The following ANO4 variants were observed in gnomAD, a reference collection of about 807,000 sequenced individuals.
ANO4 encodes anoctamin 4.
A neutral mutation model predicts 141.9 loss-of-function variants in ANO4; 69 were observed. That is an observed-to-expected ratio of 0.49 (90% confidence interval 0.40 to 0.59). The LOEUF is 0.59. ANO4 is among the 20% of genes least tolerant of loss of function. ANO4 has a pLI of 0.00. For missense variants in ANO4, 894 were observed against 1,162.2 expected (o/e 0.77, Z 3.36); for synonymous variants, 350 against 394.3 (o/e 0.89, Z 1.33).
intron 7 of ANO4, among the ~76,000 whole-genome samples, chr12:100,983,555 A>G (rs2044577948): frequency 6.6e-6 from 1 of 152,158 alleles, no homozygotes; most frequent in Admixed American, 6.5e-5. Flanking sequence ...TCATGTAATC[A>G]TAGGACTGAG....
intron 9 of ANO4, among the ~76,000 whole-genome samples, chr12:101,023,273 G>A (rs1412622829): frequency 1.3e-5 from 2 of 152,186 alleles, no homozygotes; most frequent in Non-Finnish European, 2.9e-5. Flanking sequence ...TTCTGAAGAA[G>A]CACAGGAAGT....
intron 5 of ANO4, among the ~76,000 whole-genome samples, chr12:100,945,459 C>A (rs1294385890): frequency 1.3e-5 from 2 of 152,194 alleles, no homozygotes; most frequent in African/African-American, 2.4e-5. Context: ...AACAAAATAT[C>A]ATTGAAGTCC....
At chr12:100,874,656 A>G (rs1433344832) in intron 1 of ANO4, among the ~76,000 whole-genome samples, 1 of 152,124 alleles carries the variant, frequency 6.6e-6, no homozygotes, top group African/African-American at 2.4e-5. Flanking sequence ...AGTAGATGGA[A>G]TTACAGGTAT....
At chr12:100,918,545 G>T (rs1311786149) in intron 2 of ANO4, among the ~76,000 whole-genome samples, 1 of 152,114 alleles carries the variant, frequency 6.6e-6, no homozygotes, top group Non-Finnish European at 1.5e-5. Flanking sequence ...ATAAACCATG[G>T]TGGTCCCATT....
intron 1 of ANO4, among the ~76,000 whole-genome samples, chr12:100,805,496 T>A (rs140093846): frequency 0.012 from 1,854 of 152,354 alleles, 39 homozygotes; most frequent in African/African-American, 0.042. Flanking sequence ...AGAATGTCAA[T>A]GGTAGTTTAA....
intron 19 of ANO4, 120 bp downstream of exon 19, chr12:101,096,767 G>A (rs1055732625): frequency 6.8e-6 from 5 of 730,766 alleles, no homozygotes; most frequent in African/African-American, 3.5e-5. Context: ...AAAAAGGGAA[G>A]AGCATCCTCC....
chr12:100,738,160 G>C (rs1219046096), intron 2 of ANO4, among the ~76,000 whole-genome samples: 1 of 152,054 alleles, frequency 6.6e-6, no homozygotes, highest in African/African-American at 2.4e-5. Context: ...TCACAATTTT[G>C]GGTTCAGTGG....
At chr12:101,025,260 A>G (rs1462821341) in intron 9 of ANO4, among the ~76,000 whole-genome samples, 5 of 152,256 alleles carry the variant, frequency 3.3e-5, no homozygotes, top group African/African-American at 1.2e-4. Flanking sequence ...TGAGAGACAG[A>G]AAACAAATGA....
At chr12:100,918,780 G>GT (rs2041469282) in intron 2 of ANO4, among the ~76,000 whole-genome samples, 1 of 151,728 alleles carries the variant, frequency 6.6e-6, no homozygotes, top group South Asian at 2.1e-4. Flanking sequence ...TTTTATTGTT[G>GT]TTTTAAAGTT....
chr12:101,126,658 T>A (rs1456029722), intron 26 of ANO4, among the ~76,000 whole-genome samples: 1 of 152,184 alleles, frequency 6.6e-6, no homozygotes, highest in Non-Finnish European at 1.5e-5. Context: ...TGACCATTCT[T>A]TTCCCACCTT....
At chr12:100,800,479 T>C (rs1194571063) in intron 1 of ANO4, among the ~76,000 whole-genome samples, 2 of 152,244 alleles carry the variant, frequency 1.3e-5, no homozygotes, top group South Asian at 4.1e-4. Flanking sequence ...CAGATTTTTT[T>C]CCCTGTGGTT....
chr12:100,751,879 G>A (rs2032399154), intron 3 of ANO4, among the ~76,000 whole-genome samples: 1 of 152,192 alleles, frequency 6.6e-6, no homozygotes, highest in African/African-American at 2.4e-5. Flanking sequence ...GACTGAGGAT[G>A]TGGTAGTAAT....
chr12:100,740,018 C>G, exon 3 of ANO4: 2 of 702,592 alleles, frequency 2.8e-6, no homozygotes, highest in South Asian at 1.5e-5. Flanking sequence ...CCAGGCCACA[C>G]CTTTGTCCTG....
At position 101,054,366 on chromosome 12, in the gene ANO4, G is replaced by T. The variant is rs554019171; in HGVS notation, c.1312+5965G>T. Among the ~76,000 whole-genome samples the T allele has an allele frequency of 3.3e-5, 5 of 152,280 alleles. No individual in the cohort carries two copies. The East Asian group carries it at 9.6e-4, about 29-fold the overall frequency. ...GTGGTTTGCTTTATGTGGTGGGATT[G>T]TGGGAAGATTTTTTTCAACTTTAAG... On this transcript the variant is annotated intron_variant, in intron 14 of 27. Coordinates refer to ENST00000392977, the MANE Select transcript of ANO4 (RefSeq NM_001286615.2).
rs1327891952 is a variant in ANO4, at chr12:101,032,892, T to C, written c.842-4203T>C. On this transcript the variant is annotated intron_variant, in intron 9 of 27. Transcript: ENST00000392977. ...GTGGGACTGTAAACTAGTTCAACCC[T>C]TGTGGAAGTCAGTGTGGCGATTCCT... Among the ~76,000 whole-genome samples the C allele has an allele frequency of 8.6e-5, 13 of 151,708 alleles. No homozygotes were observed. In the East Asian group the frequency reaches 1.7e-3, roughly 20 times the overall value.
chr12:101,114,010 T>C (rs2050759304), intron 24 of ANO4, among the ~76,000 whole-genome samples: 1 of 152,212 alleles, frequency 6.6e-6, no homozygotes, highest in Admixed American at 6.5e-5. Flanking sequence ...TGTTACTTTT[T>C]TCTTGGTACT....
intron 17 of ANO4, among the ~76,000 whole-genome samples, chr12:101,089,089 G>C (rs140447665): frequency 1.3e-3 from 191 of 152,090 alleles, no homozygotes; most frequent in Middle Eastern, 3.4e-3. Flanking sequence ...ATTTTCCAAA[G>C]GCCAACTAAT....
At chr12:101,090,449 G>A (rs2049717826) in intron 17 of ANO4, among the ~76,000 whole-genome samples, 1 of 152,088 alleles carries the variant, frequency 6.6e-6, no homozygotes, top group African/African-American at 2.4e-5. Context: ...TCCTTTATAG[G>A]GACATGGATG....
At chr12:100,768,327 G>C (rs913394124) in intron 3 of ANO4, among the ~76,000 whole-genome samples, 1 of 152,194 alleles carries the variant, frequency 6.6e-6, no homozygotes, top group Admixed American at 6.5e-5. Flanking sequence ...ATGTGAAACT[G>C]TCCTTCTTAC....
Sources: gnomAD v4.1 joint callset for allele counts (sites outside exome capture counted in the v4.1 genomes callset) on GRCh38, gnomAD v4.1.1 for gene constraint, MANE v1.5 for transcripts, NCBI Gene and HGNC (gene_info 2026-07-23, HGNC 2026-07-21) for gene names.